Variants in AGAP4 observed in about 807,000 individuals in gnomAD.
AGAP4 encodes the protein arf-GAP with GTPase, ANK repeat and PH domain-containing protein 4.
AGAP4 carries 13 observed loss-of-function variants against 60.7 expected under a neutral mutation model. That is an observed-to-expected ratio of 0.21 (90% CI 0.14 to 0.34). The LOEUF (loss-of-function observed/expected upper bound fraction) is 0.34, where lower values mean the gene tolerates loss of function less well. Ranked by LOEUF, AGAP4 falls within the 10% of genes least tolerant of loss-of-function variation. The pLI, the probability that AGAP4 is intolerant of heterozygous loss-of-function variation, is 1.00. For missense variants in AGAP4, 169 were observed against 884.0 expected (o/e 0.19, Z 10.26); for synonymous variants, 70 against 339.0 (o/e 0.21, Z 8.72).
upstream of AGAP4, among the ~76,000 whole-genome samples, chr10:45,851,155 T>C (rs1226592361): frequency 2.0e-5 from 3 of 151,502 alleles, no homozygotes; most frequent in African/African-American, 7.3e-5. Flanking sequence ...ATTGAAGCCA[T>C]GGGTGTGGAG....
chr10:45,832,400 G>C (rs2058748899), intron 5 of AGAP4, among the ~76,000 whole-genome samples: 1 of 149,698 alleles, frequency 6.7e-6, no homozygotes, highest in Non-Finnish European at 1.5e-5. Context: ...ATTAAGCAGT[G>C]GCTGTCAAAC....
At chr10:45,851,093 G>GA (rs544654262), upstream of AGAP4, among the ~76,000 whole-genome samples, 2,389 of 147,354 alleles carry the variant, frequency 0.016, 74 homozygotes, top group African/African-American at 0.052. Context: ...GCTAATACAT[G>GA]AAAAAAAAAA....
chr10:45,825,713 A>C lies in AGAP4; in HGVS notation c.*202T>G, dbSNP rs2058633872. ...AATGTGGCCAGGAGGGCCTGAGACTAACAAATCCACCTTGGCAAAAGGACA... is the reference window on the plus strand; with the variant it reads ...AATGTGGCCAGGAGGGCCTGAGACTCACAAATCCACCTTGGCAAAAGGACA... On this transcript the variant is annotated 3_prime_UTR_variant, in exon 8 of 8. Coordinates refer to ENST00000616763, the MANE Select transcript of AGAP4 (RefSeq NM_001276343.3). The C allele has an allele frequency of 1.7e-6, 1 of 585,634 alleles. No individual in the cohort carries two copies. The highest frequency in any genetic ancestry group is 1.9e-5 in the African/African-American group (1 of 53,420). 36.3% of individuals were successfully genotyped at this position (585,634 alleles called of 1,614,324 possible).
In AGAP4 at chr10:45,830,686, T is replaced by C. The variant is rs71232201; in HGVS notation, c.533+708A>G. 4.0e-3 allele frequency among the ~76,000 whole-genome samples: 498 copies of C among 125,008 alleles called. 6 individuals are homozygous for C. Among genetic ancestry groups the C allele is most frequent in the Middle Eastern group, 8.3e-3 (2 of 242 alleles). 82.0% of individuals were successfully genotyped at this position (125,008 alleles called of 152,430 possible). A position where few individuals can be genotyped will look rare whatever the true frequency, so the allele number is the denominator to read the frequency against. On this transcript the variant is annotated intron_variant, in intron 6 of 7. Coordinates refer to ENST00000616763, the MANE Select transcript of AGAP4 (RefSeq NM_001276343.3). ...ATTTTTAGTAGAGACGGGGCTTCGC[T>C]GTGTTAGCCAGGATGGTCTCGATCT... is the stretch of plus-strand genomic sequence containing the variant.
upstream of AGAP4, among the ~76,000 whole-genome samples, chr10:45,849,310 G>A (rs1392809753): frequency 1.0e-3 from 154 of 151,544 alleles, 1 homozygote; most frequent in African/African-American, 3.2e-3. Flanking sequence ...AACTGCCCCC[G>A]TGATCCAATC....
chr10:45,831,492 T>C, intron 5 of AGAP4, 63 bp from the exon 6 acceptor site: 3 of 1,540,922 alleles, frequency 1.9e-6, no homozygotes, highest in East Asian at 4.5e-5. Context: ...AAGACATTTT[T>C]TAAAAGGGGG....
intron 6 of AGAP4, among the ~76,000 whole-genome samples, chr10:45,830,933 G>GA (rs1454783086): frequency 0.01 from 1,300 of 127,190 alleles, 6 homozygotes; most frequent in African/African-American, 0.037. Flanking sequence ...ATTTTTCAAT[G>GA]AAAAAATTCT....
intron 1 of AGAP4, among the ~76,000 whole-genome samples, chr10:45,852,609 A>T (rs2059098942): frequency 6.6e-6 from 1 of 151,720 alleles, no homozygotes; most frequent in Non-Finnish European, 1.5e-5. Context: ...TCATTTCAAA[A>T]ATCAGAGGAG....
upstream of AGAP4, among the ~76,000 whole-genome samples, chr10:45,851,386 T>C (rs2059082179): frequency 1.3e-5 from 2 of 151,984 alleles, no homozygotes; most frequent in East Asian, 1.9e-4. Context: ...ACAGTGCCTG[T>C]TCAATAGGTA....
chr10:45,853,683 C>A lies in AGAP4; in HGVS notation n.193G>T, dbSNP rs2059110102. On this transcript the variant is annotated non_coding_transcript_exon_variant, in exon 1 of 10. Transcript: ENST00000430779. ...CAGAGGAGTCCAGTGGGTCCAGAAG[C>A]CCTTTGGATGTTGGTCAGAAGCTCC... The A allele has an allele frequency of 2.3e-6, 3 of 1,287,716 alleles. No homozygotes were observed. In the Admixed American group the frequency reaches 6.9e-5, roughly 30 times the overall value. The allele number at this position is 1,287,716 out of a possible 1,614,324, so 79.8% of individuals were successfully genotyped here.
chr10:45,833,927 CT>C (rs2058769701), intron 5 of AGAP4, 88 bp downstream of exon 5: 1 of 528,430 alleles, frequency 1.9e-6, no homozygotes, highest in Non-Finnish European at 3.2e-6. Context: ...ACTCCAATTT[CT>C]TAAACTGATT....
chr10:45,828,361 A>T (rs1274254734), intron 6 of AGAP4, among the ~76,000 whole-genome samples: 1 of 149,762 alleles, frequency 6.7e-6, no homozygotes, highest in Non-Finnish European at 1.5e-5. Context: ...ACATATTTTC[A>T]CTCTTCTAAC....
chr10:45,853,375 A>T (rs1373768776), intron 1 of AGAP4, among the ~76,000 whole-genome samples: 3 of 151,212 alleles, frequency 2.0e-5, no homozygotes, highest in Admixed American at 6.6e-5. Context: ...CATTGTTTAG[A>T]CCTTGGAGAG....
upstream of AGAP4, among the ~76,000 whole-genome samples, chr10:45,850,161 T>A (rs2059066101): frequency 6.6e-6 from 1 of 151,616 alleles, no homozygotes. Context: ...ACTCCTGACC[T>A]CAGGTGATCC....
At chr10:45,848,006 T>G, upstream of AGAP4, 1 of 1,009,544 alleles carries the variant, frequency 9.9e-7, no homozygotes, top group Non-Finnish European at 1.2e-6. Context: ...CCTCTATGAG[T>G]TCTATACAAA....
chr10:45,853,745 G>A (rs1554900742), exon 1 of AGAP4: 8 of 1,287,916 alleles, frequency 6.2e-6, no homozygotes, highest in East Asian at 1.1e-4. Context: ...CAACAGGTCT[G>A]GAGAAGACCT....
At chr10:45,834,778 ATTT>A (rs2058789969) in intron 4 of AGAP4, among the ~76,000 whole-genome samples, 1 of 129,862 alleles carries the variant, frequency 7.7e-6, no homozygotes, top group African/African-American at 3.3e-5. Flanking sequence ...TAATTAATTT[ATTT>A]ATTTATTTTT....
chr10:45,852,672 G>A (rs1250281630), intron 1 of AGAP4, among the ~76,000 whole-genome samples: 174 of 151,538 alleles, frequency 1.1e-3, no homozygotes, highest in African/African-American at 4.0e-3. Context: ...TAATGTTTGA[G>A]GACAAAAATA....
intron 4 of AGAP4, among the ~76,000 whole-genome samples, chr10:45,836,991 T>A (rs1191023259): frequency 1.4e-5 from 2 of 147,734 alleles, no homozygotes; most frequent in African/African-American, 5.0e-5. Flanking sequence ...CTCAGCCACC[T>A]GAGTAGATGG....
Sources: gnomAD v4.1 joint callset for allele counts (sites outside exome capture counted in the v4.1 genomes callset) on GRCh38, gnomAD v4.1.1 for gene constraint, MANE v1.5 for transcripts, NCBI Gene and HGNC (gene_info 2026-07-23, HGNC 2026-07-21) for gene names.